NELL1: variants seen among roughly 807,000 people sequenced by gnomAD.
NELL1 encodes the protein protein kinase C-binding protein NELL1.
A neutral mutation model predicts 107.4 loss-of-function variants in NELL1; 76 were observed. That is an observed-to-expected ratio of 0.71 (90% CI 0.59 to 0.86). The LOEUF (loss-of-function observed/expected upper bound fraction) is 0.86. Among genes scored for constraint, NELL1 ranks in the 40% least tolerant of loss-of-function variants. The probability of loss-of-function intolerance (pLI) is 0.00; values close to 1 mark genes in which losing one functional copy is unlikely to be tolerated. For missense variants in NELL1, 1,024 were observed against 1,005.5 expected, an observed-to-expected ratio of 1.02 and a Z score of -0.25; for synonymous variants, 353 against 341.2, an observed-to-expected ratio of 1.03 and a Z score of -0.38.
chr11:20,768,387 A>G (rs1180576605), intron 2 of NELL1, among the ~76,000 whole-genome samples: 3 of 152,248 alleles, frequency 2.0e-5, no homozygotes, highest in Non-Finnish European at 4.4e-5. Context: ...GGGTGAAGCT[A>G]CCAAAGGAGG....
At chr11:21,060,584 C>T (rs570538896) in intron 12 of NELL1, among the ~76,000 whole-genome samples, 1 of 152,226 alleles carries the variant, frequency 6.6e-6, no homozygotes, top group East Asian at 1.9e-4. Flanking sequence ...AATAATGAGC[C>T]AGAGAGTTGG....
chr11:20,745,730 T>C (rs551046852), intron 2 of NELL1, among the ~76,000 whole-genome samples: 5 of 152,222 alleles, frequency 3.3e-5, no homozygotes, highest in African/African-American at 4.8e-5. Flanking sequence ...ACAACCCTTA[T>C]GGTCTACCAC....
At chr11:20,696,167 T>G (rs1854611183) in intron 2 of NELL1, among the ~76,000 whole-genome samples, 1 of 152,012 alleles carries the variant, frequency 6.6e-6, no homozygotes, top group Non-Finnish European at 1.5e-5. Context: ...TGGATATTCT[T>G]TTTTCCTTGT....
intron 15 of NELL1, among the ~76,000 whole-genome samples, chr11:21,436,792 C>G (rs1033479883): frequency 1.3e-5 from 2 of 151,918 alleles, no homozygotes; most frequent in Non-Finnish European, 2.9e-5. Flanking sequence ...TTTTCTGTGT[C>G]CCATTGGTTT....
At chr11:21,418,836 C>T (rs1852584712) in intron 15 of NELL1, among the ~76,000 whole-genome samples, 1 of 152,078 alleles carries the variant, frequency 6.6e-6, no homozygotes, top group Non-Finnish European at 1.5e-5. Context: ...ACAGACCATT[C>T]CTTATGTGTG....
At chr11:21,012,493 A>C (rs182045453) in intron 12 of NELL1, among the ~76,000 whole-genome samples, 3 of 152,096 alleles carry the variant, frequency 2.0e-5, no homozygotes, top group Non-Finnish European at 4.4e-5. Context: ...CTCCCATTGT[A>C]ACTGCCTGAT....
intron 15 of NELL1, among the ~76,000 whole-genome samples, chr11:21,515,428 C>T (rs868279604): frequency 2.0e-5 from 3 of 152,086 alleles, no homozygotes; most frequent in Non-Finnish European, 2.9e-5. Flanking sequence ...CTGTGGGGGG[C>T]CTTCCTCTTG....
chr11:21,251,163 A>C (rs1163835824), intron 14 of NELL1, among the ~76,000 whole-genome samples: 1 of 152,168 alleles, frequency 6.6e-6, no homozygotes, highest in Non-Finnish European at 1.5e-5. Context: ...ATAAGAGTTT[A>C]CCACTTAGAT....
intron 3 of NELL1, among the ~76,000 whole-genome samples, chr11:20,831,442 G>A (rs1858007321): frequency 1.3e-5 from 2 of 152,156 alleles, no homozygotes; most frequent in South Asian, 4.1e-4. Context: ...TCAAAAATTT[G>A]ATAAAGGCAG....
chr11:20,872,151 A>C (rs1264725349), intron 4 of NELL1, among the ~76,000 whole-genome samples: 1 of 149,536 alleles, frequency 6.7e-6, no homozygotes, highest in Non-Finnish European at 1.5e-5. Flanking sequence ...AGATAATACC[A>C]AATGAGTCCT....
intron 13 of NELL1, among the ~76,000 whole-genome samples, chr11:21,119,192 T>A (rs561846621): frequency 6.6e-6 from 1 of 152,164 alleles, no homozygotes; most frequent in East Asian, 1.9e-4. Flanking sequence ...CACCCTGTGG[T>A]AGTTATTACT....
At chr11:21,507,782 C>A (rs1590989590) in intron 15 of NELL1, among the ~76,000 whole-genome samples, 2 of 142,024 alleles carry the variant, frequency 1.4e-5, no homozygotes, top group Admixed American at 1.4e-4. Flanking sequence ...TTTTTCTTTT[C>A]TTTTCTTTTT....
intron 15 of NELL1, among the ~76,000 whole-genome samples, chr11:21,376,615 A>G (rs1851487122): frequency 6.6e-6 from 1 of 151,968 alleles, no homozygotes; most frequent in South Asian, 2.1e-4. Flanking sequence ...TAGGAAAAAC[A>G]CTGAATTTTG....
chr11:21,229,952 G>A (rs1857999650), intron 14 of NELL1, among the ~76,000 whole-genome samples: 2 of 152,074 alleles, frequency 1.3e-5, no homozygotes, highest in African/African-American at 4.8e-5. Context: ...GGCTTATGAG[G>A]GCATTCAGCA....
At chr11:21,162,009 G>A (rs1007557823) in intron 13 of NELL1, among the ~76,000 whole-genome samples, 1 of 133,032 alleles carries the variant, frequency 7.5e-6, no homozygotes, top group Non-Finnish European at 1.5e-5. Flanking sequence ...GGAGTGCAGT[G>A]GTGCAATCTC....
intron 12 of NELL1, among the ~76,000 whole-genome samples, chr11:21,018,746 G>A (rs1852629073): frequency 6.6e-6 from 1 of 152,082 alleles, no homozygotes; most frequent in African/African-American, 2.4e-5. Flanking sequence ...TTCAGTGATT[G>A]TTCAGCTGCA....
At chr11:21,018,079 T>G (rs1417486040) in intron 12 of NELL1, among the ~76,000 whole-genome samples, 5 of 152,080 alleles carry the variant, frequency 3.3e-5, no homozygotes. Flanking sequence ...ATTTGGAGAG[T>G]CCTCTTTGAT....
intron 14 of NELL1, among the ~76,000 whole-genome samples, chr11:21,370,205 A>G (rs982172330): frequency 6.6e-6 from 1 of 152,060 alleles, no homozygotes; most frequent in African/African-American, 2.4e-5. Context: ...AATGCTTATC[A>G]AGAAAACCTA....
chr11:21,186,231 G>A (rs568977084), intron 13 of NELL1, among the ~76,000 whole-genome samples: 1 of 151,962 alleles, frequency 6.6e-6, no homozygotes, highest in South Asian at 2.1e-4. Flanking sequence ...CTGAGACCCT[G>A]TAGTAGGAGG....
Sources: allele counts gnomAD v4.1 joint callset (sites outside exome capture counted in the v4.1 genomes callset), GRCh38; gene constraint gnomAD v4.1.1; transcripts MANE v1.5; gene names NCBI Gene and HGNC (gene_info 2026-07-23, HGNC 2026-07-21).